ATF7IP: variants seen among roughly 807,000 people sequenced by gnomAD.
ATF7IP encodes activating transcription factor 7 interacting protein.
ATF7IP carries 23 observed loss-of-function variants against 106.4 expected under a neutral mutation model. The observed-to-expected ratio is 0.22, with a 90% CI of 0.16 to 0.31. The LOEUF (loss-of-function observed/expected upper bound fraction) is 0.31. Ranked by LOEUF, ATF7IP falls within the 10% of genes least tolerant of loss-of-function variation. The pLI, the probability that ATF7IP is intolerant of heterozygous loss-of-function variation, is 1.00. For synonymous variants in ATF7IP, 542 were observed against 539.0 expected, an observed-to-expected ratio of 1.01 and a Z score of -0.08; for missense variants, 1,334 against 1,524.3, an observed-to-expected ratio of 0.88 and a Z score of 2.08.
intron 2 of ATF7IP, among the ~76,000 whole-genome samples, chr12:14,426,643 A>T (rs182047226): frequency 1.3e-5 from 2 of 150,658 alleles, no homozygotes; most frequent in Non-Finnish European, 1.5e-5. Context: ...CCTGGGCAAC[A>T]TGGTGAGACC....
rs779159992 is a variant in ATF7IP at position 14,424,630 on chromosome 12, C to G, written c.715C>G (p.Leu239Val). The change falls in exon 2 of 15, where the codon CTG (leucine) becomes GTG (valine). Residue 239 changes from leucine (L) to valine (V), a missense_variant. By Grantham distance (32) the Leu-to-Val change is conservative. This residue lies in a region of ATF7IP where 438 missense variants were observed against 405.3 expected (regional missense o/e 1.08). Coordinates refer to ENST00000261168, the MANE Select transcript of ATF7IP (RefSeq NM_018179.5). The stretch of plus-strand genomic sequence containing the variant: ...CTCTAGTGAAATAACTTCTGTTGAT[C>G]TGGCTTCTGGAGCACCAGCTTCCAC... ...IASSEITSVD[L>V]ASGAPASTDP... is the part of the protein sequence containing the mutation. 6.2e-7 allele frequency: 1 copy of G among 1,614,146 alleles called. No homozygotes were observed. Among genetic ancestry groups the G allele is most frequent in the Non-Finnish European group, 8.5e-7 (1 of 1,180,014 alleles).
intron 1 of ATF7IP, among the ~76,000 whole-genome samples, chr12:14,410,755 G>A (rs566481456): frequency 6.6e-6 from 1 of 152,004 alleles, no homozygotes; most frequent in South Asian, 2.1e-4. Context: ...ATGTATGTAT[G>A]TATGTATGTA....
At chr12:14,397,151 A>C (rs1185331480) in intron 1 of ATF7IP, among the ~76,000 whole-genome samples, 1 of 152,160 alleles carries the variant, frequency 6.6e-6, no homozygotes, top group South Asian at 2.1e-4. Context: ...AACAAGAGCG[A>C]AACTCCGTCT....
At chr12:14,496,364 T>C in intron 14 of ATF7IP, 21 bp downstream of exon 14, 1 of 1,560,474 alleles carries the variant, frequency 6.4e-7, no homozygotes, top group Non-Finnish European at 8.8e-7. Context: ...ATGCTTGGTT[T>C]TGCAAAATTC....
intron 1 of ATF7IP, among the ~76,000 whole-genome samples, chr12:14,403,009 G>A (rs1940343092): frequency 6.6e-6 from 1 of 152,160 alleles, no homozygotes; most frequent in Non-Finnish European, 1.5e-5. Flanking sequence ...TTGTGTTTAA[G>A]AGAAATGTCT....
intron 1 of ATF7IP, among the ~76,000 whole-genome samples, chr12:14,386,673 CAT>C (rs1231938492): frequency 4.6e-5 from 7 of 152,210 alleles, no homozygotes; most frequent in East Asian, 1.9e-4. Context: ...AACTTATTCA[CAT>C]GTCATGTGTA....
At chr12:14,372,241 CAAAG>C (rs1938562125) in intron 1 of ATF7IP, among the ~76,000 whole-genome samples, 4 of 151,958 alleles carry the variant, frequency 2.6e-5, no homozygotes, top group Admixed American at 6.6e-5. Flanking sequence ...TTGTTGAAAA[CAAAG>C]AAAATTAAAC....
Position 14,497,753 on chromosome 12 carries a change from C to T in ATF7IP, c.3493C>T (p.His1165Tyr). Reference protein sequence around the residue: ...AASTSLPQKPHLKLARVQSQN... With the variant: ...AASTSLPQKPYLKLARVQSQN... ...CAGCACATCTCTGCCTCAGAAGCCACACTTGAAGTTAGCACGCGTTCAGAG... is the reference window on the plus strand; with the variant it reads ...CAGCACATCTCTGCCTCAGAAGCCATACTTGAAGTTAGCACGCGTTCAGAG... Residue 1165 changes from histidine (H) to tyrosine (Y), a missense_variant, in exon 15 of 15, where the codon CAC (histidine) becomes TAC (tyrosine). By Grantham distance (83) the His-to-Tyr change is moderately conservative (BLOSUM62 2). Around this residue, in one of 10 missense-constraint regions of ATF7IP, gnomAD observed 80 missense variants for 157.0 expected, o/e 0.51. Coordinates refer to ENST00000261168, the MANE Select transcript of ATF7IP (RefSeq NM_018179.5). 6.2e-7 allele frequency: 1 copy of T among 1,614,174 alleles called. No homozygotes were observed.
chr12:14,453,086 G>A (rs944945923), intron 6 of ATF7IP, among the ~76,000 whole-genome samples: 1 of 152,110 alleles, frequency 6.6e-6, no homozygotes. Context: ...TCTTATGGGA[G>A]TTCCCTTGTG....
At chr12:14,423,827 T>TTC in intron 1 of ATF7IP, 82 bp from the exon 2 acceptor site, 1 of 1,441,782 alleles carries the variant, frequency 6.9e-7, no homozygotes, top group Non-Finnish European at 9.2e-7. Flanking sequence ...CTTGCATCTC[T>TTC]TCTAAGATCA....
intron 1 of ATF7IP, among the ~76,000 whole-genome samples, chr12:14,374,865 A>G (rs1243948511): frequency 3.9e-5 from 6 of 152,122 alleles, no homozygotes; most frequent in Non-Finnish European, 8.8e-5. Context: ...TTTACTTCAT[A>G]TATTTTTTAA....
intron 5 of ATF7IP, among the ~76,000 whole-genome samples, chr12:14,442,187 T>C (rs941222285): frequency 6.6e-6 from 1 of 152,194 alleles, no homozygotes; most frequent in African/African-American, 2.4e-5. Context: ...TTTTAGTTTT[T>C]TCCTTAGTGG....
At chr12:14,374,896 TTTTATA>T (rs1436701470) in intron 1 of ATF7IP, among the ~76,000 whole-genome samples, 4 of 152,296 alleles carry the variant, frequency 2.6e-5, no homozygotes, top group African/African-American at 9.6e-5. Context: ...TCCTTTCCAC[TTTTATA>T]TTTATAGTTA....
At chr12:14,439,041 A>T (rs1027459088) in intron 5 of ATF7IP, among the ~76,000 whole-genome samples, 6 of 152,174 alleles carry the variant, frequency 3.9e-5, no homozygotes, top group Admixed American at 3.9e-4. Context: ...CGTATTTATT[A>T]ATTTCTACTT....
chr12:14,402,528 G>T (rs1940300616), intron 1 of ATF7IP, among the ~76,000 whole-genome samples: 1 of 148,520 alleles, frequency 6.7e-6, no homozygotes, highest in Non-Finnish European at 1.5e-5. Context: ...TTTTTACATT[G>T]AGTCTTAGCT....
intron 1 of ATF7IP, among the ~76,000 whole-genome samples, chr12:14,375,166 C>G (rs1307798435): frequency 6.6e-6 from 1 of 150,390 alleles, no homozygotes; most frequent in African/African-American, 2.4e-5. Context: ...ATAAGATATT[C>G]TAATTATTTT....
At chr12:14,378,611 G>A (rs6488681) in intron 1 of ATF7IP, among the ~76,000 whole-genome samples, 85,445 of 151,992 alleles carry the variant, frequency 0.56, 24,400 homozygotes, top group African/African-American at 0.66. Context: ...AAAATAAAAT[G>A]TTAACCACAA....
At position 14,489,804 on chromosome 12, in the gene ATF7IP, G is replaced by A. The variant is rs140010678; in HGVS notation, c.3281-6427G>A. Among the ~76,000 whole-genome samples, 42 of 152,280 alleles carry A rather than the reference G, an allele frequency of 2.8e-4. 2 individuals carry two copies. In the East Asian group the frequency reaches 7.7e-3, roughly 28 times the overall value. On this transcript the variant is annotated intron_variant, in intron 13 of 14. Coordinates refer to ENST00000261168, the MANE Select transcript of ATF7IP (RefSeq NM_018179.5). ...GCACTTACTCAGCCGTACAGTGAGT[G>A]CCTTGGTTAGAGTCAATGTTGTGTG...
intron 12 of ATF7IP, 91 bp downstream of exon 12, chr12:14,478,563 TAATA>T: frequency 7.0e-7 from 1 of 1,437,600 alleles, no homozygotes; most frequent in Non-Finnish European, 9.6e-7. Context: ...GACAGAAAAT[TAATA>T]TTCATCTTGT....
Sources: gnomAD v4.1 joint callset for allele counts (sites outside exome capture counted in the v4.1 genomes callset) on GRCh38, gnomAD v4.1.1 for gene constraint, gnomAD v4.1.1 regional missense constraint, MANE v1.5 for transcripts, NCBI Gene and HGNC (gene_info 2026-07-23, HGNC 2026-07-21) for gene names.